TTLL6: variants seen among roughly 807,000 people sequenced by gnomAD.
The protein encoded by TTLL6 is tubulin polyglutamylase TTLL6.
Under a neutral mutation model 96.4 loss-of-function variants are expected in TTLL6, and 75 were observed. The ratio of observed to expected loss-of-function variants is 0.78; its 90% confidence interval spans 0.65 to 0.94. TTLL6 has a LOEUF of 0.94. Among genes scored for constraint, TTLL6 ranks in the 40% least tolerant of loss-of-function variants. The pLI is 0.00. For missense variants in TTLL6, 1,030 were observed against 1,093.0 expected (o/e 0.94, Z 0.81); for synonymous variants, 411 against 419.4 (o/e 0.98, Z 0.24).
intron 13 of TTLL6, among the ~76,000 whole-genome samples, chr17:48,782,789 T>C (rs1329856594): frequency 6.6e-6 from 1 of 151,906 alleles, no homozygotes; most frequent in Non-Finnish European, 1.5e-5. Flanking sequence ...TCTTGGCTCA[T>C]TGCAACCTCC....
chr17:48,775,263 A>AG (rs1239641029), intron 13 of TTLL6, among the ~76,000 whole-genome samples: 1 of 152,124 alleles, frequency 6.6e-6, no homozygotes, highest in East Asian at 1.9e-4. Flanking sequence ...CGAAAATAGA[A>AG]GAAAAAAAAC....
intron 15 of TTLL6, among the ~76,000 whole-genome samples, chr17:48,764,547 G>A (rs2038555764): frequency 6.6e-6 from 1 of 152,148 alleles, no homozygotes; most frequent in Non-Finnish European, 1.5e-5. Context: ...TGTGGAAGGT[G>A]TTATTACTCT....
chr17:48,816,884 A>C, intron 1 of TTLL6, 86 bp downstream of exon 1: 3 of 1,063,630 alleles, frequency 2.8e-6, no homozygotes, highest in Non-Finnish European at 3.9e-6. Context: ...TGTGGGTTTA[A>C]GGAGACGTGT....
At chr17:48,800,695 C>T (rs2039394015) in intron 5 of TTLL6, among the ~76,000 whole-genome samples, 1 of 152,080 alleles carries the variant, frequency 6.6e-6, no homozygotes, top group African/African-American at 2.4e-5. Context: ...GTCTCAGCCA[C>T]CAGATTGCAC....
chr17:48,810,815 GTA>G (rs200236418), intron 1 of TTLL6, among the ~76,000 whole-genome samples: 1,805 of 44,916 alleles, frequency 0.04, 120 homozygotes, highest in African/African-American at 0.17. Flanking sequence ...CACATATATA[GTA>G]TGTGTGTGTA....
At chr17:48,775,366 A>G (rs2038849092) in intron 13 of TTLL6, among the ~76,000 whole-genome samples, 2 of 151,906 alleles carry the variant, frequency 1.3e-5, no homozygotes, top group African/African-American at 4.8e-5. Flanking sequence ...AAAAATATAC[A>G]ATGACCAAGT....
intron 8 of TTLL6, among the ~76,000 whole-genome samples, chr17:48,795,110 G>A (rs531590577): frequency 4.2e-4 from 64 of 152,250 alleles, no homozygotes; most frequent in Non-Finnish European, 8.1e-4. Flanking sequence ...GGAAGATCAC[G>A]AGGTGAAGAG....
intron 15 of TTLL6, among the ~76,000 whole-genome samples, chr17:48,764,343 T>C (rs1482464188): frequency 6.6e-6 from 1 of 152,214 alleles, no homozygotes; most frequent in Non-Finnish European, 1.5e-5. Flanking sequence ...GCCAAGTTCA[T>C]GGCCAGATGG....
At chr17:48,811,257 A>G (rs1480146492) in intron 1 of TTLL6, among the ~76,000 whole-genome samples, 1 of 151,274 alleles carries the variant, frequency 6.6e-6, no homozygotes, top group Non-Finnish European at 1.5e-5. Flanking sequence ...TTAGTAGAGA[A>G]CGGAGTTTTA....
intron 13 of TTLL6, among the ~76,000 whole-genome samples, chr17:48,778,766 C>A (rs1449575339): frequency 6.6e-6 from 1 of 151,826 alleles, no homozygotes; most frequent in Non-Finnish European, 1.5e-5. Flanking sequence ...CCCGTCTCTA[C>A]TAAAAATACA....
Position 48,782,636 on chromosome 17 carries a change from A to ACCAT in TTLL6, c.2040+2286_2040+2287insATGG, listed in dbSNP as rs1379351429. ...GAAGCTGCAAAACATACTCTCTTAA[A>ACCAT]GGTGCTTTTCAAACCATGGGTTGTA... On this transcript the variant is annotated intron_variant, in intron 13 of 15. Transcript: ENST00000393382. 4.6e-5 allele frequency among the ~76,000 whole-genome samples: 7 copies of ACCAT among 152,212 alleles called. No homozygotes were observed. The East Asian group carries it at 1.3e-3, about 29-fold the overall frequency.
chr17:48,767,004 A>G (rs1039126134), intron 15 of TTLL6, among the ~76,000 whole-genome samples: 2 of 152,156 alleles, frequency 1.3e-5, no homozygotes, highest in Non-Finnish European at 2.9e-5. Context: ...GCAGGAGCGC[A>G]GTGGCGTGAT....
Position 48,786,219 on chromosome 17 carries a change from C to A in TTLL6, c.1706G>T (p.Gly569Val). ...GEQVRKKGMR[G>V]WQQKQQQKDK... ...TTTCTGCTGTTGTTTCTGTTGCCAGCCCCTCATGCCCTTCTTTCTCACTTG... is the reference window on the plus strand; with the variant it reads ...TTTCTGCTGTTGTTTCTGTTGCCAGACCCTCATGCCCTTCTTTCTCACTTG... Residue 569 changes from glycine to valine, a missense_variant, in exon 12 of 16, where the codon GGC becomes GTC. Gly to Val is a moderately radical substitution (Grantham distance 109, BLOSUM62 -3). Coordinates refer to ENST00000393382, the MANE Select transcript of TTLL6 (RefSeq NM_001130918.3). The A allele has an allele frequency of 2.5e-6, 4 of 1,614,224 alleles. No individual in the cohort carries two copies. The highest frequency in any genetic ancestry group is 3.4e-6 in the Non-Finnish European group (4 of 1,180,046).
At chr17:48,814,156 T>C (rs536927578) in intron 1 of TTLL6, among the ~76,000 whole-genome samples, 13 of 151,874 alleles carry the variant, frequency 8.6e-5, no homozygotes, top group African/African-American at 2.7e-4. Context: ...CCGTCTCTAC[T>C]AAAAATACAA....
intron 1 of TTLL6, among the ~76,000 whole-genome samples, chr17:48,812,948 T>C (rs1326008530): frequency 6.6e-6 from 1 of 152,212 alleles, no homozygotes; most frequent in Non-Finnish European, 1.5e-5. Context: ...TCACTTACAA[T>C]AGACTATTGA....
At chr17:48,770,570 G>A (rs1169058485) in intron 13 of TTLL6, among the ~76,000 whole-genome samples, 1 of 147,218 alleles carries the variant, frequency 6.8e-6, no homozygotes, top group Non-Finnish European at 1.5e-5. Flanking sequence ...TGGCTGGAGC[G>A]CAGTGGTGCA....
intron 13 of TTLL6, among the ~76,000 whole-genome samples, chr17:48,783,398 C>G (rs550935299): frequency 4.2e-4 from 63 of 151,494 alleles, no homozygotes; most frequent in Admixed American, 1.1e-3. Context: ...GAAAAGTCAA[C>G]TGTCACCTTA....
rs118116850 is a variant in TTLL6, at chr17:48,797,355, G to A, written c.769-151C>T. ...GTCCAGGGTCAGAGAGAGGAACAAG[G>A]AGACTTGGGCTCTGTGTCCCAACAT... is the stretch of plus-strand genomic sequence containing the variant. On this transcript the variant is annotated intron_variant, in intron 6 of 15. Transcript: ENST00000393382. Among the ~76,000 whole-genome samples, 1,215 of 152,282 alleles carry A rather than the reference G, an allele frequency of 8.0e-3. 6 individuals carry two copies. Among genetic ancestry groups the A allele is most frequent in the Middle Eastern group, 0.024 (7 of 294 alleles).
In TTLL6 at chr17:48,769,917, A is replaced by T. The variant is rs1038293336; in HGVS notation, c.2221T>A (p.Leu741Ile). The T allele has an allele frequency of 6.2e-7, 1 of 1,614,168 alleles. No individual in the cohort carries two copies. The highest frequency in any genetic ancestry group is 8.5e-7 in the Non-Finnish European group (1 of 1,180,034). Residue 741 changes from leucine to isoleucine, a missense_variant, in exon 14 of 16, where the codon TTA becomes ATA. Physicochemically the swap from Leu to Ile is conservative, Grantham distance 5. Transcript: ENST00000393382. ...GATTTTGTGGGCAGAAAAGATTTTA[A>T]CATTTTCTTCTGGGTTAAGTGTGGA... is the stretch of plus-strand genomic sequence containing the variant. Reference protein sequence around the residue: ...TPPHLTQKKMLKSFLPTKSKS... With the variant: ...TPPHLTQKKMIKSFLPTKSKS...
Sources: allele counts gnomAD v4.1 joint callset (sites outside exome capture counted in the v4.1 genomes callset), GRCh38; gene constraint gnomAD v4.1.1; transcripts MANE v1.5; gene names NCBI Gene and HGNC (gene_info 2026-07-23, HGNC 2026-07-21).